Variants in OR51B5 observed in about 807,000 individuals in gnomAD.
The protein encoded by OR51B5 is olfactory receptor family 51 subfamily B member 5.
For synonymous variants in OR51B5, 186 were observed against 144.8 expected, an observed-to-expected ratio of 1.28 and a Z score of -2.04; for missense variants, 456 against 374.6, an observed-to-expected ratio of 1.22 and a Z score of -1.79.
At position 5,466,428 on chromosome 11, in the gene OR51B5, G is replaced by C. The variant is rs371178451; in HGVS notation, n.84+39141C>G. Among the ~76,000 whole-genome samples the C allele has an allele frequency of 3.3e-5, 5 of 152,152 alleles. No homozygotes were observed. In the South Asian group the frequency reaches 1.0e-3, roughly 32 times the overall value. On this transcript the variant is annotated intron_variant and non_coding_transcript_variant, in intron 1 of 4. Coordinates refer to the OR51B5 transcript ENST00000415970. ...AATTTTACTGTGGAAATGAAAGGAC[G>C]CATTTTTTAAAAGCCTAAAAAATAT...
At chr11:5,346,640 T>C (rs113168871), upstream of OR51B5, among the ~76,000 whole-genome samples, 489 of 152,308 alleles carry the variant, frequency 3.2e-3, 2 homozygotes, top group African/African-American at 9.9e-3. Context: ...TCTTAGGTAG[T>C]TGGTTGGTAG....
exon 1 of OR51B5, chr11:5,343,168 G>A (rs1489393270): frequency 1.2e-6 from 2 of 1,613,682 alleles, no homozygotes; most frequent in African/African-American, 1.3e-5. Context: ...CAATAAAACG[G>A]TCATAGGCCA....
At chr11:5,438,269 CCT>C (rs71846608) in intron 1 of OR51B5, among the ~76,000 whole-genome samples, 29,466 of 151,812 alleles carry the variant, frequency 0.19, 3,149 homozygotes, top group East Asian at 0.38. Context: ...GAGATACTGC[CCT>C]CTCTCTCCAC....
chr11:5,357,534 T>C (rs1209179066), intron 1 of OR51B5, among the ~76,000 whole-genome samples: 39 of 152,160 alleles, frequency 2.6e-4, no homozygotes, highest in South Asian at 4.2e-4. Context: ...ATGGGAGACT[T>C]TAACACCCCA....
Position 5,358,412 on chromosome 11 carries a change from T to G in OR51B5, n.85-11502A>C, listed in dbSNP as rs571013885. Among the ~76,000 whole-genome samples the G allele has an allele frequency of 5.3e-3, 805 of 152,132 alleles. 6 individuals carry two copies. Among genetic ancestry groups the G allele is most frequent in the African/African-American group, 0.018 (754 of 41,524 alleles). ...ATCTAGAAGAAATGGATAAATTCCT[T>G]GACACATACACCCTCCCAAGACTAA... is the stretch of plus-strand genomic sequence containing the variant. On this transcript the variant is annotated intron_variant and non_coding_transcript_variant, in intron 1 of 4. Transcript: ENST00000415970.
chr11:5,438,363 C>CG (rs369977693), intron 1 of OR51B5, among the ~76,000 whole-genome samples: 1 of 151,720 alleles, frequency 6.6e-6, no homozygotes, highest in Non-Finnish European at 1.5e-5. Context: ...ACACCCCCCC[C>CG]CAGTTATCCA....
chr11:5,479,992 C>T (rs1185175813), intron 1 of OR51B5, among the ~76,000 whole-genome samples: 2 of 148,802 alleles, frequency 1.3e-5, no homozygotes, highest in Non-Finnish European at 3.0e-5. Context: ...GAATTGAACT[C>T]AGCTCTGCAC....
exon 1 of OR51B5, chr11:5,343,338 T>C (rs1482320761): frequency 4.3e-6 from 7 of 1,612,162 alleles, no homozygotes; most frequent in Non-Finnish European, 5.9e-6. Flanking sequence ...GCAGCCAGCA[T>C]GGCCAGAAAG....
rs750467748 is a variant in OR51B5 at position 5,389,679 on chromosome 11, T to A, written n.85-42769A>T. On this transcript the variant is annotated intron_variant and non_coding_transcript_variant, in intron 1 of 4. Transcript: ENST00000415970. The stretch of plus-strand genomic sequence containing the variant: ...TGTGTGTCCACGTTGCCCACCACTA[T>A]GGGGATCTTCTGGTTTAACTCCCAT... 15 of 1,613,566 alleles carry A rather than the reference T, an allele frequency of 9.3e-6. 1 individual carries two copies. In the East Asian group the frequency reaches 3.3e-4, roughly 36 times the overall value.
intron 1 of OR51B5, among the ~76,000 whole-genome samples, chr11:5,379,813 A>T (rs953058241): frequency 1.3e-5 from 2 of 152,096 alleles, no homozygotes; most frequent in African/African-American, 2.4e-5. Flanking sequence ...CTTTCCCATG[A>T]GTCTGGCTTT....
chr11:5,474,834 C>T (rs1297354387), intron 1 of OR51B5, among the ~76,000 whole-genome samples: 1 of 152,100 alleles, frequency 6.6e-6, no homozygotes, highest in African/African-American at 2.4e-5. Flanking sequence ...GTGATCAGGA[C>T]AACAGGCTAA....
chr11:5,367,781 C>A (rs918116738), intron 1 of OR51B5, among the ~76,000 whole-genome samples: 1 of 152,178 alleles, frequency 6.6e-6, no homozygotes, highest in African/African-American at 2.4e-5. Flanking sequence ...ACAAAAGGAA[C>A]AAAAATGTTG....
At chr11:5,489,722 T>A in intron 1 of OR51B5, 1 of 1,119,166 alleles carries the variant, frequency 8.9e-7, no homozygotes, top group Non-Finnish European at 1.3e-6. Flanking sequence ...TAGATACATT[T>A]ACATGGACAC....
intron 1 of OR51B5, among the ~76,000 whole-genome samples, chr11:5,396,997 C>G (rs1471188972): frequency 6.6e-6 from 1 of 152,136 alleles, no homozygotes; most frequent in African/African-American, 2.4e-5. Flanking sequence ...AACTGGCTAG[C>G]CAAATGTAGG....
chr11:5,483,896 C>G (rs1851463363), intron 1 of OR51B5, among the ~76,000 whole-genome samples: 1 of 152,122 alleles, frequency 6.6e-6, no homozygotes, highest in Admixed American at 6.6e-5. Flanking sequence ...CAAGACATTT[C>G]AACACGAATT....
chr11:5,505,474 G>C, intron 1 of OR51B5: 2 of 1,297,260 alleles, frequency 1.5e-6, no homozygotes, highest in Non-Finnish European at 2.0e-6. Flanking sequence ...TGGAGTGAGG[G>C]GAAACTGAAG....
rs1333171398 is a variant in OR51B5, at chr11:5,482,200, C to T, written n.84+23369G>A. Among the ~76,000 whole-genome samples the T allele has an allele frequency of 1.7e-4, 17 of 97,826 alleles. 3 individuals carry two copies. In the East Asian group the frequency reaches 2.2e-3, roughly 13 times the overall value. 64.2% of individuals were successfully genotyped at this position (97,826 alleles called of 152,430 possible). On this transcript the variant is annotated intron_variant and non_coding_transcript_variant, in intron 1 of 4. Transcript: ENST00000415970. ...AGAACAGAGCCCTCAGAAATAATGC[C>T]GCATATCTACAACTATCTGATCTTT...
Position 5,470,536 on chromosome 11 carries a change from T to C in OR51B5, n.84+35033A>G, listed in dbSNP as rs182530545. On this transcript the variant is annotated intron_variant and non_coding_transcript_variant, in intron 1 of 4. Transcript: ENST00000415970. ...GCTGCCCAGGCTTCTCTTCTCAATA[T>C]GTATTCACGCAGCCAATTTCCAACT... Among the ~76,000 whole-genome samples, 103 of 150,628 alleles carry C rather than the reference T, an allele frequency of 6.8e-4. No homozygotes were observed. The East Asian group carries it at 0.016, about 23-fold the overall frequency.
At chr11:5,496,734 C>CAT (rs1312261056) in intron 1 of OR51B5, among the ~76,000 whole-genome samples, 1 of 152,182 alleles carries the variant, frequency 6.6e-6, no homozygotes, top group Non-Finnish European at 1.5e-5. Flanking sequence ...TTTCCCCCAT[C>CAT]ATAGGGTCAT....
Sources: allele counts gnomAD v4.1 joint callset (sites outside exome capture counted in the v4.1 genomes callset), GRCh38; gene constraint gnomAD v4.1.1; transcripts MANE v1.5; gene names NCBI Gene and HGNC (gene_info 2026-07-23, HGNC 2026-07-21).